Variants in POLE observed in about 807,000 individuals in gnomAD.
POLE encodes the protein DNA polymerase epsilon, catalytic subunit.
POLE carries 188 observed loss-of-function variants against 279.2 expected under a neutral mutation model. The ratio of observed to expected loss-of-function variants is 0.67; its 90% CI spans 0.60 to 0.76. The LOEUF is 0.76. Among genes scored for constraint, POLE ranks in the 30% least tolerant of loss-of-function variants. The pLI is 0.00. For synonymous variants in POLE, 1,214 were observed against 1,172.5 expected (o/e 1.04, Z -0.72); for missense variants, 2,703 against 3,016.7 (o/e 0.90, Z 2.44).
chr12:132,641,922 TC>T, intron 38 of POLE, 71 bp from the exon 39 acceptor site: 1 of 1,439,212 alleles, frequency 6.9e-7, no homozygotes, highest in Non-Finnish European at 9.6e-7. Context: ...TGGGCCTGAC[TC>T]CAGCCACCAC....
Position 132,634,186 on chromosome 12 carries a change from C to T in POLE, c.6004G>A (p.Ala2002Thr), listed in dbSNP as rs1262266978. ...CQNYFLMIVS[A>T]YIVAVYHCMK... ...GCGCAGCCCTGGGCTCTGGGCTTACCTGAAACAATCATGAGGAAGTAGTTC... is the reference window on the plus strand; with the variant it reads ...GCGCAGCCCTGGGCTCTGGGCTTACTTGAAACAATCATGAGGAAGTAGTTC... Residue 2002 changes from alanine (A) to threonine (T), a missense_variant and splice_region_variant, in exon 43 of 49, where the codon GCG (alanine) becomes ACG (threonine). This residue lies in a region of POLE where 1,551 missense variants were observed against 1,686.1 expected (regional missense o/e 0.92). Transcript: ENST00000320574. This position sits in a 1 kb window ranked among gnomAD's most constrained non-coding sequence, Gnocchi z 4.0. 5.0e-6 allele frequency: 8 copies of T among 1,610,210 alleles called. No individual in the cohort carries two copies. Among genetic ancestry groups the T allele is most frequent in the South Asian group, 1.1e-5 (1 of 90,350 alleles).
rs116001373 is a variant in POLE, at chr12:132,642,244, G to A, written c.5106C>T (p.Asn1702=). The A allele has an allele frequency of 3.0e-5, 48 of 1,611,482 alleles. No individual in the cohort carries two copies. In the East Asian group the frequency reaches 3.3e-4, roughly 11 times the overall value. The part of the protein sequence containing the change: ...PDLGGKEADD[N]CLVMEFDDQA... ...GGTCATCGAACTCCATGACAAGACA[G>A]TTGTCATCAGCCTCCTTTCCACCCA... Residue 1702 remains asparagine (N), a synonymous_variant, in exon 38 of 49, where the codon AAC becomes AAT. Transcript: ENST00000320574.
At chr12:132,676,412 T>C (rs2043052484) in intron 9 of POLE, 134 bp downstream of exon 9, 1 of 735,150 alleles carries the variant, frequency 1.4e-6, no homozygotes, top group African/African-American at 1.8e-5. Flanking sequence ...TCGGAACGGC[T>C]TGGTTGCTCC....
chr12:132,678,113 G>C (rs2043096962), intron 6 of POLE, among the ~76,000 whole-genome samples: 1 of 152,148 alleles, frequency 6.6e-6, no homozygotes, highest in East Asian at 1.9e-4. Flanking sequence ...AGGAGGCGGA[G>C]GTTGCAGTGA....
chr12:132,629,024 C>G (rs2041887986), intron 45 of POLE, among the ~76,000 whole-genome samples: 1 of 152,224 alleles, frequency 6.6e-6, no homozygotes. Context: ...GAATCACTAT[C>G]TATGGCAGCT....
chr12:132,682,609 CTG>C (rs1266724192), intron 1 of POLE, among the ~76,000 whole-genome samples: 2 of 152,262 alleles, frequency 1.3e-5, no homozygotes, highest in South Asian at 2.1e-4. Flanking sequence ...ACGGGAATCT[CTG>C]TATCATTTCT....
intron 23 of POLE, among the ~76,000 whole-genome samples, chr12:132,663,691 C>A (rs1035768474): frequency 6.6e-6 from 1 of 152,090 alleles, no homozygotes; most frequent in Non-Finnish European, 1.5e-5. Flanking sequence ...ATGGTTTATG[C>A]GAGGTCAGCA....
intron 38 of POLE, 50 bp from the exon 39 acceptor site, chr12:132,641,901 C>G: frequency 6.4e-7 from 1 of 1,568,634 alleles, no homozygotes; most frequent in South Asian, 1.1e-5. Flanking sequence ...GCTCCAGCAC[C>G]ACCAGCCCCC....
intron 27 of POLE, 86 bp from the exon 28 acceptor site, chr12:132,657,515 C>T: frequency 1.8e-6 from 2 of 1,102,334 alleles, no homozygotes; most frequent in Non-Finnish European, 2.7e-6. Flanking sequence ...CAGGGCTAAC[C>T]ACTGTGTCTT....
intron 39 of POLE, among the ~76,000 whole-genome samples, chr12:132,640,141 A>T (rs1006770585): frequency 6.6e-6 from 1 of 151,744 alleles, no homozygotes; most frequent in Non-Finnish European, 1.5e-5. Context: ...ACATGCCTAC[A>T]CCCCATTCCC....
chr12:132,663,462 CT>C (rs1213377872), intron 23 of POLE, among the ~76,000 whole-genome samples: 5 of 152,260 alleles, frequency 3.3e-5, no homozygotes, highest in Non-Finnish European at 7.3e-5. Context: ...CAGACAACCC[CT>C]GATCAAGGGA....
chr12:132,639,328 A>G lies in POLE; in HGVS notation c.5379-30T>C. On this transcript the variant is annotated intron_variant, in intron 39 of 48. Coordinates refer to ENST00000320574, the MANE Select transcript of POLE (RefSeq NM_006231.4). The surrounding 1 kb of genome is among the most constrained non-coding windows in gnomAD (Gnocchi z 4.7). ...AAGAGAAGGTGCACGACACCCTCGT[A>G]CCCTCAGCCTCCCACGCTGCTGCCA... The G allele has an allele frequency of 6.2e-7, 1 of 1,607,658 alleles. No individual in the cohort carries two copies. Among genetic ancestry groups the G allele is most frequent in the African/African-American group, 1.3e-5 (1 of 74,906 alleles).
Position 132,643,258 on chromosome 12 carries a change from G to A in POLE, c.4517C>T (p.Ser1506Leu), listed in dbSNP as rs2042195603. The A allele has an allele frequency of 1.2e-6, 2 of 1,613,762 alleles. No homozygotes were observed. The highest frequency in any genetic ancestry group is 1.3e-5 in the African/African-American group (1 of 74,946). ...HKALFGIFIP[S>L]QRRASVFVLD... ...CACAAAGACGGATGCCCTGCGCTGT[G>A]AGGGGATGAAGATCCCGAAGAGCGC... The change falls in exon 35 of 49, where the codon TCA (serine) becomes TTA (leucine). Residue 1506 changes from serine (S) to leucine (L), a missense_variant. Physicochemically the swap from Ser to Leu is moderately radical, Grantham distance 145 (BLOSUM62 -2). Transcript: ENST00000320574.
intron 40 of POLE, chr12:132,638,408 T>C (rs1481977777): frequency 4.0e-6 from 1 of 252,790 alleles, no homozygotes; most frequent in Non-Finnish European, 7.6e-6. Context: ...GACAACTCAT[T>C]CGATATTTAA....
chr12:132,628,187 C>G (rs868654498), intron 45 of POLE, among the ~76,000 whole-genome samples: 1 of 151,710 alleles, frequency 6.6e-6, no homozygotes, highest in South Asian at 2.1e-4. Context: ...ACTAAAAATA[C>G]GAAAATTAGC....
At position 132,680,241 on chromosome 12, in the gene POLE, C is replaced by T. The variant is rs754740938; in HGVS notation, c.286-19G>A. The stretch of plus-strand genomic sequence containing the variant: ...AAGCCACCTGTTAAGAGTCACCAAC[C>T]CATCCAGGGGTGATGAGAAAGAAGA... On this transcript the variant is annotated intron_variant, in intron 3 of 48. Coordinates refer to ENST00000320574, the MANE Select transcript of POLE (RefSeq NM_006231.4). 1.2e-6 allele frequency: 2 copies of T among 1,610,468 alleles called. No homozygotes were observed. Among genetic ancestry groups the T allele is most frequent in the South Asian group, 2.2e-5 (2 of 91,006 alleles).
chr12:132,663,911 G>A, intron 23 of POLE, 93 bp downstream of exon 23: 1 of 1,352,598 alleles, frequency 7.4e-7, no homozygotes. Flanking sequence ...GTGCCAGGAA[G>A]GCATGCACAC....
intron 45 of POLE, among the ~76,000 whole-genome samples, chr12:132,627,396 C>T (rs75449748): frequency 6.6e-6 from 1 of 152,252 alleles, no homozygotes; most frequent in Non-Finnish European, 1.5e-5. Context: ...CCTCTTGGGG[C>T]TCAATTGATC....
chr12:132,663,896 G>T, intron 23 of POLE, 108 bp downstream of exon 23: 1 of 1,168,134 alleles, frequency 8.6e-7, no homozygotes, highest in Non-Finnish European at 1.3e-6. Context: ...TGTGAGCAGT[G>T]CTGGGTGCCA....
Sources: allele counts gnomAD v4.1 joint callset (sites outside exome capture counted in the v4.1 genomes callset), GRCh38; gene constraint gnomAD v4.1.1; regional missense constraint gnomAD v4.1.1; non-coding constraint Gnocchi (gnomAD v3.1); transcripts MANE v1.5; gene names NCBI Gene and HGNC (gene_info 2026-07-23, HGNC 2026-07-21).